DENND1A: variants seen among roughly 807,000 people sequenced by gnomAD.
DENND1A encodes the protein DENN domain containing 1A.
DENND1A carries 51 observed loss-of-function variants against 113.7 expected under a neutral mutation model. That is an observed-to-expected ratio of 0.45 (90% CI 0.36 to 0.57). The LOEUF (loss-of-function observed/expected upper bound fraction) is 0.57. Among genes scored for constraint, DENND1A ranks in the 20% least tolerant of loss-of-function variants. The probability of loss-of-function intolerance (pLI) is 0.00; values close to 1 mark genes in which losing one functional copy is unlikely to be tolerated. For missense variants in DENND1A, 1,258 were observed against 1,395.9 expected (o/e 0.90, Z 1.57); for synonymous variants, 565 against 570.8 (o/e 0.99, Z 0.14).
At chr9:123,666,532 C>T (rs2063500107) in intron 8 of DENND1A, among the ~76,000 whole-genome samples, 1 of 152,060 alleles carries the variant, frequency 6.6e-6, no homozygotes, top group Non-Finnish European at 1.5e-5. Flanking sequence ...TAGATCTACC[C>T]TAATAAACCT....
chr9:123,553,407 C>CA (rs980981789), intron 13 of DENND1A, among the ~76,000 whole-genome samples: 1 of 150,962 alleles, frequency 6.6e-6, no homozygotes, highest in Non-Finnish European at 1.5e-5. Flanking sequence ...GCCGCCCCCC[C>CA]CCCGCTCCTC....
In DENND1A at chr9:123,587,318, A is replaced by C. The variant is rs1036172531; in HGVS notation, c.766-4048T>G. ...TTTACAATATAGTGTGTGCGTCAGTAATTTCTAACAGAGCCTTAAAACAGA... is the reference window on the plus strand; with the variant it reads ...TTTACAATATAGTGTGTGCGTCAGTCATTTCTAACAGAGCCTTAAAACAGA... On this transcript the variant is annotated intron_variant, in intron 11 of 23. Transcript: ENST00000394215. Among the ~76,000 whole-genome samples, 5 of 152,328 alleles carry C rather than the reference A, an allele frequency of 3.3e-5. No individual in the cohort carries two copies. In the South Asian group the frequency reaches 8.3e-4, roughly 25 times the overall value.
chr9:123,780,427 C>T (rs552315046), intron 3 of DENND1A, among the ~76,000 whole-genome samples: 11 of 152,240 alleles, frequency 7.2e-5, no homozygotes, highest in African/African-American at 2.2e-4. Context: ...GATGATAGAT[C>T]GGATTAAGAA....
chr9:123,806,930 T>A (rs566152640), intron 2 of DENND1A, among the ~76,000 whole-genome samples: 1 of 152,178 alleles, frequency 6.6e-6, no homozygotes, highest in Non-Finnish European at 1.5e-5. Context: ...AACCTTAAAA[T>A]CTATCTGAAG....
intron 11 of DENND1A, among the ~76,000 whole-genome samples, chr9:123,607,232 T>G (rs1313504390): frequency 2.0e-5 from 3 of 151,960 alleles, no homozygotes; most frequent in Non-Finnish European, 2.9e-5. Context: ...ACCCTCATGT[T>G]GTTTATCAAA....
Position 123,392,244 on chromosome 9 carries a change from C to A in DENND1A, c.1632-4386G>T, listed in dbSNP as rs2066434. Among the ~76,000 whole-genome samples the A allele has an allele frequency of 1.0e-2, 1,514 of 151,974 alleles. 14 individuals carry two copies. Among genetic ancestry groups the A allele is most frequent in the South Asian group, 0.034 (164 of 4,812 alleles). ...AGATCTGCATCTCGGGAGTTTTTTT[C>A]ATGTGTCACATCGCGTGGACAAATC... On this transcript the variant is annotated intron_variant, in intron 21 of 23. Coordinates refer to ENST00000394215, the MANE Select transcript of DENND1A (RefSeq NM_001352964.2).
At chr9:123,789,757 A>G (rs929425939) in intron 3 of DENND1A, among the ~76,000 whole-genome samples, 1 of 152,164 alleles carries the variant, frequency 6.6e-6, no homozygotes, top group Non-Finnish European at 1.5e-5. Context: ...ATCATTATTC[A>G]GTCACAGATG....
At chr9:123,638,770 C>A (rs564326051) in intron 9 of DENND1A, among the ~76,000 whole-genome samples, 1 of 151,946 alleles carries the variant, frequency 6.6e-6, no homozygotes, top group Admixed American at 6.6e-5. Flanking sequence ...CTCACATGCA[C>A]CTTTGATCAA....
At chr9:123,517,245 T>A (rs1305965201) in intron 13 of DENND1A, among the ~76,000 whole-genome samples, 6 of 117,208 alleles carry the variant, frequency 5.1e-5, no homozygotes, top group African/African-American at 1.3e-4. Context: ...AGAGCAAGAC[T>A]CCGTCTCAGA....
Position 123,699,495 on chromosome 9 carries a change from C to G in DENND1A, c.303-22706G>C, listed in dbSNP as rs970007633. ...ATTTTCGACCTCTCCCTCAAGCTCA[C>G]CCCGTCCCCATCTTCCAGGTTCCCC... On this transcript the variant is annotated intron_variant, in intron 5 of 23. Coordinates refer to ENST00000394215, the MANE Select transcript of DENND1A (RefSeq NM_001352964.2). 2.0e-5 allele frequency among the ~76,000 whole-genome samples: 3 copies of G among 152,022 alleles called. No individual in the cohort carries two copies. In the East Asian group the frequency reaches 5.8e-4, roughly 29 times the overall value.
At chr9:123,462,943 C>G (rs977462663) in intron 13 of DENND1A, among the ~76,000 whole-genome samples, 6 of 152,188 alleles carry the variant, frequency 3.9e-5, no homozygotes, top group Non-Finnish European at 7.3e-5. Flanking sequence ...AGGTGAGGTG[C>G]CAAGCCACTC....
At chr9:123,779,871 A>ATTTTTTTTTTTTTTTTTT (rs1554752627) in intron 3 of DENND1A, among the ~76,000 whole-genome samples, 1 of 104,032 alleles carries the variant, frequency 9.6e-6, no homozygotes, top group African/African-American at 7.0e-5. Flanking sequence ...CTTGCATGAG[A>ATTTTTTTTTTTTTTTTTT]CTTTTTTTTG....
intron 13 of DENND1A, among the ~76,000 whole-genome samples, chr9:123,499,719 T>A (rs1478220922): frequency 6.6e-6 from 1 of 152,254 alleles, no homozygotes; most frequent in African/African-American, 2.4e-5. Flanking sequence ...GACAGTGGTG[T>A]TGATGTTGGA....
intron 8 of DENND1A, among the ~76,000 whole-genome samples, chr9:123,666,812 G>C (rs967876407): frequency 1.3e-5 from 2 of 151,958 alleles, no homozygotes; most frequent in Non-Finnish European, 2.9e-5. Flanking sequence ...ATCCTTCCTT[G>C]TCTTTATACT....
At chr9:123,719,088 A>G (rs1482718205) in intron 5 of DENND1A, among the ~76,000 whole-genome samples, 1 of 152,176 alleles carries the variant, frequency 6.6e-6, no homozygotes, top group Non-Finnish European at 1.5e-5. Context: ...ACCTTCCACC[A>G]TGATTGTGAG....
intron 19 of DENND1A, among the ~76,000 whole-genome samples, chr9:123,421,577 C>T (rs1473093781): frequency 6.6e-6 from 1 of 152,192 alleles, no homozygotes; most frequent in African/African-American, 2.4e-5. Flanking sequence ...TTTCACCAGG[C>T]CCGTGTCCCT....
intron 5 of DENND1A, among the ~76,000 whole-genome samples, chr9:123,717,349 A>T (rs1307642970): frequency 6.6e-6 from 1 of 152,284 alleles, no homozygotes; most frequent in East Asian, 1.9e-4. Flanking sequence ...AGATACGTAT[A>T]ATGTATGTGA....
chr9:123,415,449 A>T (rs2044649484), intron 19 of DENND1A, among the ~76,000 whole-genome samples: 1 of 152,112 alleles, frequency 6.6e-6, no homozygotes, highest in African/African-American at 2.4e-5. Flanking sequence ...GGAGAGGAAG[A>T]AGGGGAGGGC....
intron 1 of DENND1A, among the ~76,000 whole-genome samples, chr9:123,909,256 A>C (rs1226922698): frequency 6.6e-6 from 1 of 152,166 alleles, no homozygotes; most frequent in African/African-American, 2.4e-5. Context: ...CTAGATGATG[A>C]GTTAGTGGGT....
Sources: gnomAD v4.1 joint callset for allele counts (sites outside exome capture counted in the v4.1 genomes callset) on GRCh38, gnomAD v4.1.1 for gene constraint, MANE v1.5 for transcripts, NCBI Gene and HGNC (gene_info 2026-07-23, HGNC 2026-07-21) for gene names.